Variants in XYLB observed in about 807,000 individuals in gnomAD.
XYLB encodes the protein xylulose kinase.
A neutral mutation model predicts 78.7 loss-of-function variants in XYLB; 62 were observed. The ratio of observed to expected loss-of-function variants is 0.79; its 90% CI spans 0.64 to 0.97. The LOEUF (loss-of-function observed/expected upper bound fraction) is 0.97. XYLB is among the 50% of genes least tolerant of loss of function. The pLI, the probability that XYLB is intolerant of heterozygous loss-of-function variation, is 0.00. For synonymous variants in XYLB, 245 were observed against 247.4 expected (o/e 0.99, Z 0.09); for missense variants, 687 against 676.8 (o/e 1.02, Z -0.17).
chr3:38,352,814 TA>T (rs113005663), intron 2 of XYLB, among the ~76,000 whole-genome samples: 19 of 144,932 alleles, frequency 1.3e-4, no homozygotes, highest in South Asian at 2.2e-4. Flanking sequence ...GTCTAAAAAG[TA>T]AAAAAAAAAA....
the XYLB span, among the ~76,000 whole-genome samples, chr3:38,426,609 G>A: frequency 6.6e-6 from 1 of 152,202 alleles, no homozygotes. Context: ...TTTAATTGGT[G>A]TTGTTTGTCT....
chr3:38,448,757 T>A, the XYLB span, among the ~76,000 whole-genome samples: 2 of 152,180 alleles, frequency 1.3e-5, no homozygotes, highest in Non-Finnish European at 2.9e-5. Context: ...ACAATAGCCT[T>A]TATTATCTAG....
Position 38,346,797 on chromosome 3 carries a change from T to C in XYLB, c.-72T>C, listed in dbSNP as rs1705080561. The C allele has an allele frequency of 2.1e-6, 3 of 1,421,264 alleles. No individual in the cohort carries two copies. In the South Asian group the frequency reaches 4.2e-5, roughly 20 times the overall value. 88.0% of individuals were successfully genotyped at this position (1,421,264 alleles called of 1,614,324 possible). A position where few individuals can be genotyped will look rare whatever the true frequency, so the allele number is the denominator to read the frequency against. On this transcript the variant is annotated 5_prime_UTR_variant, in exon 1 of 19. Coordinates refer to ENST00000207870, the MANE Select transcript of XYLB (RefSeq NM_005108.4). The stretch of plus-strand genomic sequence containing the variant: ...GGCGGGCCCCTGCGTCTCTGGGCGC[T>C]GGAGCGCGGCGACTATCACGCCGCG...
chr3:38,426,686 C>A, the XYLB span, among the ~76,000 whole-genome samples: 3 of 152,136 alleles, frequency 2.0e-5, no homozygotes, highest in Non-Finnish European at 4.4e-5. Flanking sequence ...GATCGCGAAT[C>A]CTGCGAGAAG....
intron 18 of XYLB, among the ~76,000 whole-genome samples, chr3:38,401,465 T>A (rs1708121861): frequency 6.6e-6 from 1 of 151,672 alleles, no homozygotes; most frequent in Non-Finnish European, 1.5e-5. Flanking sequence ...TTTATGGGAG[T>A]CGGGGGAGTT....
At chr3:38,373,604 G>C in intron 10 of XYLB, among the ~76,000 whole-genome samples, 1 of 152,260 alleles carries the variant, frequency 6.6e-6, no homozygotes, top group South Asian at 2.1e-4. Flanking sequence ...GGGCAGTGCA[G>C]ACGATGTTGA....
intron 9 of XYLB, among the ~76,000 whole-genome samples, chr3:38,371,219 C>T (rs1184188497): frequency 1.3e-5 from 2 of 152,194 alleles, no homozygotes; most frequent in Non-Finnish European, 2.9e-5. Flanking sequence ...AGTGATCCTC[C>T]TGCCTCAGCT....
the XYLB span, among the ~76,000 whole-genome samples, chr3:38,431,775 C>A: frequency 6.6e-6 from 1 of 152,168 alleles, no homozygotes; most frequent in Non-Finnish European, 1.5e-5. Context: ...CAGAAGGCAC[C>A]TCTTCACTGG....
At chr3:38,423,396 G>A (rs575997930), downstream of XYLB, among the ~76,000 whole-genome samples, 17 of 152,298 alleles carry the variant, frequency 1.1e-4, no homozygotes, top group African/African-American at 3.4e-4. Context: ...AAGAAAAAAT[G>A]TGATAAATGG....
intron 2 of XYLB, among the ~76,000 whole-genome samples, chr3:38,349,879 T>C (rs1404426832): frequency 6.6e-6 from 1 of 152,212 alleles, no homozygotes; most frequent in Non-Finnish European, 1.5e-5. Context: ...ATCTGTATCC[T>C]AATCTTCTTA....
chr3:38,361,595 C>T (rs113407299), intron 3 of XYLB, among the ~76,000 whole-genome samples: 4,831 of 152,208 alleles, frequency 0.032, 111 homozygotes, highest in African/African-American at 0.061. Flanking sequence ...TGGTCAGTGT[C>T]AGGAGGTCCC....
rs138690746 is a variant in XYLB at position 38,409,563 on chromosome 3, A to G, written c.1534-3373A>G. ...GCAATTAGGCAGGAGAAGGAAATAAAGGGTACTCAGTTAGGAAAAGAGGAA... is the reference window on the plus strand; with the variant it reads ...GCAATTAGGCAGGAGAAGGAAATAAGGGGTACTCAGTTAGGAAAAGAGGAA... On this transcript the variant is annotated intron_variant, in intron 18 of 18. Coordinates refer to ENST00000207870, the MANE Select transcript of XYLB (RefSeq NM_005108.4). Among the ~76,000 whole-genome samples the G allele has an allele frequency of 5.1e-3, 782 of 152,308 alleles. 1 individual carries two copies. The highest frequency in any genetic ancestry group is 8.8e-3 in the Non-Finnish European group (597 of 68,032).
the XYLB span, among the ~76,000 whole-genome samples, chr3:38,426,501 G>A: frequency 6.6e-6 from 1 of 152,222 alleles, no homozygotes; most frequent in Non-Finnish European, 1.5e-5. Flanking sequence ...GCCAGGAACT[G>A]AAGTGCTTGA....
In XYLB at chr3:38,366,820, A is replaced by G. The variant is rs1430535947; in HGVS notation, c.520A>G (p.Asn174Asp). The change falls in exon 7 of 19, where the codon AAC becomes GAC. Residue 174 changes from asparagine to aspartate, a missense_variant. By Grantham distance (23) the Asn-to-Asp change is conservative (BLOSUM62 1). Coordinates refer to ENST00000207870, the MANE Select transcript of XYLB (RefSeq NM_005108.4). The part of the protein sequence containing the change: ...GSRAYERFTG[N>D]QIAKIYQQNP... ...ATTCCTTTTCCAGCGTTTTACAGGG[A>G]ACCAAATTGCAAAAATTTACCAGCA... is the stretch of plus-strand genomic sequence containing the variant. 1 of 1,613,042 alleles carries G rather than the reference A, an allele frequency of 6.2e-7. No individual in the cohort carries two copies.
chr3:38,434,607 A>G, the XYLB span, among the ~76,000 whole-genome samples: 1 of 152,248 alleles, frequency 6.6e-6, no homozygotes, highest in Admixed American at 6.5e-5. Context: ...AACATTTACC[A>G]TCATGAAAAC....
intron 14 of XYLB, among the ~76,000 whole-genome samples, chr3:38,378,738 C>A (rs1706993453): frequency 6.6e-6 from 1 of 150,848 alleles, no homozygotes; most frequent in Admixed American, 6.6e-5. Context: ...CAGGAGTGAG[C>A]CTGGGGTTGA....
intron 8 of XYLB, 145 bp downstream of exon 8, chr3:38,368,402 C>T: frequency 1.4e-6 from 1 of 708,604 alleles, no homozygotes; most frequent in South Asian, 1.7e-5. Context: ...TATTCATTAT[C>T]TTTTACCACA....
chr3:38,379,069 G>A (rs1030877456), intron 14 of XYLB, among the ~76,000 whole-genome samples, 177 bp from the exon 15 acceptor site: 4 of 151,944 alleles, frequency 2.6e-5, no homozygotes, highest in African/African-American at 9.7e-5. Context: ...GAGCTTGTGT[G>A]CTTGAGTAGT....
chr3:38,392,392 G>A (rs1056740192), intron 15 of XYLB, among the ~76,000 whole-genome samples: 5 of 152,040 alleles, frequency 3.3e-5, no homozygotes, highest in Non-Finnish European at 5.9e-5. Context: ...TCCACCTCCC[G>A]GTTCAAGTGA....
Sources: allele counts gnomAD v4.1 joint callset (sites outside exome capture counted in the v4.1 genomes callset), GRCh38; gene constraint gnomAD v4.1.1; transcripts MANE v1.5; gene names NCBI Gene and HGNC (gene_info 2026-07-23, HGNC 2026-07-21).